Variants in FOXN3 observed in about 807,000 individuals in gnomAD.
The protein encoded by FOXN3 is forkhead box protein N3.
FOXN3 carries 7 observed loss-of-function variants against 38.4 expected under a neutral mutation model. That is an observed-to-expected ratio of 0.18 (90% CI 0.10 to 0.34). The LOEUF (loss-of-function observed/expected upper bound fraction) is 0.34. FOXN3 is among the 10% of genes least tolerant of loss of function. FOXN3 has a pLI of 1.00. For missense variants in FOXN3, 456 were observed against 613.4 expected, an observed-to-expected ratio of 0.74 and a Z score of 2.71; for synonymous variants, 230 against 242.2, an observed-to-expected ratio of 0.95 and a Z score of 0.47.
intron 1 of FOXN3, among the ~76,000 whole-genome samples, chr14:89,578,667 C>T (rs1398866072): frequency 1.3e-5 from 2 of 152,168 alleles, no homozygotes; most frequent in African/African-American, 4.8e-5. Context: ...CTCTCACCCT[C>T]CCCTTCTAAT....
intron 2 of FOXN3, among the ~76,000 whole-genome samples, chr14:89,367,031 T>G (rs959428632): frequency 6.6e-6 from 1 of 152,164 alleles, no homozygotes; most frequent in Non-Finnish European, 1.5e-5. Context: ...GCCAGAGAGC[T>G]TCAGTTATGA....
chr14:89,386,729 TG>T (rs1890798919), intron 2 of FOXN3, among the ~76,000 whole-genome samples: 1 of 152,152 alleles, frequency 6.6e-6, no homozygotes, highest in Admixed American at 6.5e-5. Context: ...TTCTGGAGTC[TG>T]GGAAGTCCAA....
chr14:89,590,861 G>A (rs1193214927), intron 1 of FOXN3, among the ~76,000 whole-genome samples: 1 of 152,162 alleles, frequency 6.6e-6, no homozygotes, highest in Non-Finnish European at 1.5e-5. Flanking sequence ...CCTCATTCCA[G>A]GGGAGGTCTA....
chr14:89,611,930 G>A (rs1029641804), intron 1 of FOXN3, among the ~76,000 whole-genome samples: 1 of 151,992 alleles, frequency 6.6e-6, no homozygotes, highest in Non-Finnish European at 1.5e-5. Context: ...GGGAATTACA[G>A]CAAATATTCC....
At chr14:89,278,610 T>A (rs1005513387) in intron 4 of FOXN3, among the ~76,000 whole-genome samples, 6 of 152,150 alleles carry the variant, frequency 3.9e-5, no homozygotes, top group African/African-American at 1.4e-4. Flanking sequence ...CACCCCCATG[T>A]GACCAAACTG....
At chr14:89,500,143 G>A (rs983343089) in intron 1 of FOXN3, among the ~76,000 whole-genome samples, 2 of 152,076 alleles carry the variant, frequency 1.3e-5, no homozygotes, top group East Asian at 1.9e-4. Flanking sequence ...GTGAGCCACC[G>A]CACTCAGCCA....
intron 4 of FOXN3, among the ~76,000 whole-genome samples, chr14:89,231,948 G>A (rs915104956): frequency 2.6e-5 from 4 of 152,164 alleles, no homozygotes; most frequent in Admixed American, 6.5e-5. Context: ...GCTGGGAGAG[G>A]CTCCAATGGT....
At position 89,201,841 on chromosome 14, in the gene FOXN3, G is replaced by C. The variant is rs749921769; in HGVS notation, c.746-21035C>G. Among the ~76,000 whole-genome samples the C allele has an allele frequency of 3.3e-5, 5 of 152,214 alleles. No individual in the cohort carries two copies. In the South Asian group the frequency reaches 1.0e-3, roughly 32 times the overall value. On this transcript the variant is annotated intron_variant, in intron 4 of 5. Transcript: ENST00000557258. ...ACTTCCTCCTCTAGTAAAAGGGTTC[G>C]TGGTTGCTGGTAACCCCTGCACCAA...
chr14:89,613,724 C>A (rs1896440106), intron 1 of FOXN3, among the ~76,000 whole-genome samples: 1 of 152,150 alleles, frequency 6.6e-6, no homozygotes, highest in African/African-American at 2.4e-5. Flanking sequence ...AGAAACATGG[C>A]AAGCACAATG....
Position 89,162,724 on chromosome 14 carries a change from T to C in FOXN3, c.1097A>G (p.Glu366Gly). The C allele has an allele frequency of 6.2e-7, 1 of 1,614,084 alleles. No homozygotes were observed. The highest frequency in any genetic ancestry group is 1.7e-5 in the Admixed American group (1 of 60,028). The change falls in exon 6 of 6, where the codon GAG becomes GGG. Residue 366 changes from glutamate to glycine, a missense_variant. Transcript: ENST00000557258. The surrounding 1 kb of genome is among the most constrained non-coding windows in gnomAD (Gnocchi z 7.2). ...GTCCTCTTCCGTGTCGCTGGGGCTC[T>C]CGTGGCTCCGGAAGCTCCCCTCGCT... The part of the protein sequence containing the change: ...EGSEGSFRSH[E>G]SPSDTEEDDR...
chr14:89,418,245 G>C (rs1012282937), upstream of FOXN3, among the ~76,000 whole-genome samples: 14 of 151,920 alleles, frequency 9.2e-5, no homozygotes, highest in Middle Eastern at 6.9e-3. Flanking sequence ...ACCCCCTCCT[G>C]AGCCAGTGGA....
intron 4 of FOXN3, among the ~76,000 whole-genome samples, chr14:89,209,499 C>A (rs1181974746): frequency 6.6e-6 from 1 of 152,200 alleles, no homozygotes; most frequent in Non-Finnish European, 1.5e-5. Context: ...CAATGTCACA[C>A]CACAACATTT....
intron 4 of FOXN3, among the ~76,000 whole-genome samples, chr14:89,236,561 C>T (rs1884987739): frequency 6.6e-6 from 1 of 152,166 alleles, no homozygotes; most frequent in Admixed American, 6.5e-5. Context: ...TCCTCTACCA[C>T]TGAGGACTCT....
chr14:89,382,777 T>A (rs1299912649), intron 2 of FOXN3, among the ~76,000 whole-genome samples: 5 of 152,208 alleles, frequency 3.3e-5, no homozygotes, highest in Non-Finnish European at 7.3e-5. Flanking sequence ...TGAAACCGCT[T>A]GGCAAAGAGG....
chr14:89,458,077 T>C (rs1892765190), intron 1 of FOXN3, among the ~76,000 whole-genome samples: 1 of 149,920 alleles, frequency 6.7e-6, no homozygotes, highest in Non-Finnish European at 1.5e-5. Context: ...GAGAGTGCTG[T>C]GTCTCACCTG....
chr14:89,194,979 C>A (rs1459088204), intron 4 of FOXN3, among the ~76,000 whole-genome samples: 1 of 152,018 alleles, frequency 6.6e-6, no homozygotes, highest in Non-Finnish European at 1.5e-5. Flanking sequence ...TTTCGTCAGC[C>A]TTTTATATTA....
intron 2 of FOXN3, 45 bp downstream of exon 2, chr14:89,411,888 TA>T (rs377714699): frequency 0.2 from 169,485 of 857,134 alleles, 348 homozygotes; most frequent in Middle Eastern, 0.22. Flanking sequence ...AATTTTAAAT[TA>T]AAAAAAAAAA....
intron 4 of FOXN3, among the ~76,000 whole-genome samples, chr14:89,240,849 T>C (rs1323779373): frequency 6.6e-6 from 1 of 152,234 alleles, no homozygotes; most frequent in African/African-American, 2.4e-5. Flanking sequence ...GTAACCTGCC[T>C]GGGGTCCCAC....
At chr14:89,464,331 G>A (rs2139733683) in intron 1 of FOXN3, among the ~76,000 whole-genome samples, 1 of 152,254 alleles carries the variant, frequency 6.6e-6, no homozygotes, top group Non-Finnish European at 1.5e-5. Context: ...TCTACTTGGA[G>A]ATAGCCTTCC....
Sources: allele counts gnomAD v4.1 joint callset (sites outside exome capture counted in the v4.1 genomes callset), GRCh38; gene constraint gnomAD v4.1.1; non-coding constraint Gnocchi (gnomAD v3.1); transcripts MANE v1.5; gene names NCBI Gene and HGNC (gene_info 2026-07-23, HGNC 2026-07-21).